Variants in MACC1 observed in about 807,000 individuals in gnomAD.
MACC1 encodes the protein metastasis-associated in colon cancer protein 1.
In MACC1, 79 loss-of-function variants were observed where a neutral mutation model predicts 70.7. That is an observed-to-expected ratio of 1.12 (90% CI 0.93 to 1.35). The LOEUF (loss-of-function observed/expected upper bound fraction) is 1.35, where lower values mean the gene tolerates loss of function less well. Ranked by LOEUF, MACC1 falls within the 40% of genes most tolerant of loss-of-function variation. The pLI is 0.00. For missense variants in MACC1, 1,106 were observed against 978.1 expected (o/e 1.13, Z -1.74); for synonymous variants, 361 against 347.2 (o/e 1.04, Z -0.44).
In MACC1 at chr7:20,140,064, G is replaced by A. The variant is rs1165335926; in HGVS notation, c.*882C>T. ...AAGTCCCAAATTAGGCAGGATTAGA[G>A]AGGTCCCAAGATGCTGAAGGGAGCT... On this transcript the variant is annotated 3_prime_UTR_variant, in exon 7 of 7. Transcript: ENST00000400331. The A allele has an allele frequency of 5.3e-5, 8 of 152,102 alleles. No homozygotes were observed. The East Asian group carries it at 1.5e-3, about 29-fold the overall frequency. The allele number at this position is 152,102 out of a possible 1,614,324, so 9.4% of individuals were successfully genotyped here.
intron 5 of MACC1, 32 bp from the exon 6 acceptor site, chr7:20,154,413 G>A: frequency 1.3e-6 from 2 of 1,591,336 alleles, no homozygotes; most frequent in Non-Finnish European, 1.7e-6. Flanking sequence ...ACAATTAAAA[G>A]CAACTAACTT....
chr7:20,178,216 G>A (rs1252204332), intron 1 of MACC1, among the ~76,000 whole-genome samples: 2 of 151,112 alleles, frequency 1.3e-5, no homozygotes, highest in Non-Finnish European at 3.0e-5. Flanking sequence ...TCTGCTTATT[G>A]AAAAATTTCA....
intron 1 of MACC1, among the ~76,000 whole-genome samples, chr7:20,211,510 C>T (rs1583414857): frequency 6.6e-6 from 1 of 152,068 alleles, no homozygotes; most frequent in East Asian, 1.9e-4. Flanking sequence ...AAATTTTGCA[C>T]CATATTTTAG....
chr7:20,142,085 T>C (rs957537515), intron 6 of MACC1: 1 of 152,198 alleles, frequency 6.6e-6, no homozygotes, highest in African/African-American at 2.4e-5. Context: ...ACTGAACTAA[T>C]TTGGTTGTGA....
intron 1 of MACC1, among the ~76,000 whole-genome samples, chr7:20,205,298 GA>G (rs1239184991): frequency 6.6e-6 from 1 of 152,096 alleles, no homozygotes. Flanking sequence ...ATAGAAGTTG[GA>G]AAAAATAACT....
At chr7:20,157,702 A>G (rs1782074972) in intron 5 of MACC1, among the ~76,000 whole-genome samples, 1 of 150,308 alleles carries the variant, frequency 6.7e-6, no homozygotes, top group Admixed American at 6.6e-5. Flanking sequence ...TGGAGGTTGA[A>G]ACTGCAGTGA....
rs561709403 is a variant in MACC1, at chr7:20,193,464, T to C, written c.-217-22686A>G. Among the ~76,000 whole-genome samples the C allele has an allele frequency of 7.2e-5, 11 of 152,346 alleles. No homozygotes were observed. The South Asian group carries it at 2.3e-3, about 32-fold the overall frequency. On this transcript the variant is annotated intron_variant, in intron 1 of 6. Coordinates refer to ENST00000400331, the MANE Select transcript of MACC1 (RefSeq NM_182762.4). ...AATTTTGAAGAAGTGAAAACAATTA[T>C]GTTGAGGTGATGGTCATGAGACACA...
At chr7:20,195,098 TA>T (rs536672872) in intron 1 of MACC1, among the ~76,000 whole-genome samples, 20 of 151,426 alleles carry the variant, frequency 1.3e-4, no homozygotes, top group African/African-American at 3.9e-4. Context: ...TTTCTCTTAT[TA>T]AAAAAAAACA....
intron 4 of MACC1, among the ~76,000 whole-genome samples, chr7:20,160,599 A>T (rs2128102985): frequency 6.6e-6 from 1 of 152,208 alleles, no homozygotes; most frequent in African/African-American, 2.4e-5. Context: ...TATTTTATGT[A>T]TCATGTTTAC....
Position 20,200,911 on chromosome 7 carries a change from C to A in MACC1, c.-218+16388G>T, listed in dbSNP as rs1322047776. On this transcript the variant is annotated intron_variant, in intron 1 of 6. Transcript: ENST00000400331. ...ACTCACTGCTGCACATTTTTAATAT[C>A]ATTTTGCATTCAGAAAAGTATCAAC... is the stretch of plus-strand genomic sequence containing the variant. 8.5e-5 allele frequency among the ~76,000 whole-genome samples: 13 copies of A among 152,342 alleles called. No individual in the cohort carries two copies. The South Asian group carries it at 2.7e-3, about 32-fold the overall frequency.
intron 6 of MACC1, among the ~76,000 whole-genome samples, chr7:20,151,450 T>C (rs901400710): frequency 6.6e-6 from 1 of 152,222 alleles, no homozygotes; most frequent in African/African-American, 2.4e-5. Flanking sequence ...AAGTGCATTT[T>C]TTCTGAAAGA....
In MACC1 at chr7:20,166,691, G is replaced by A. The variant is rs189970536; in HGVS notation, c.-152-2292C>T. Among the ~76,000 whole-genome samples the A allele has an allele frequency of 4.3e-3, 662 of 152,252 alleles. 4 individuals carry two copies. The highest frequency in any genetic ancestry group is 7.4e-3 in the Non-Finnish European group (501 of 68,012). On this transcript the variant is annotated intron_variant, in intron 2 of 6. Transcript: ENST00000400331. ...GAGCAGGCCTCCCAGTGCATTAAGC[G>A]GTATTAGAAATCCATAATAATTTCT...
intron 1 of MACC1, among the ~76,000 whole-genome samples, chr7:20,185,620 C>A (rs906945450): frequency 6.6e-6 from 1 of 151,934 alleles, no homozygotes; most frequent in Non-Finnish European, 1.5e-5. Context: ...ATTTTAAAAT[C>A]ATTACCTATA....
intron 6 of MACC1, among the ~76,000 whole-genome samples, chr7:20,149,907 C>T (rs185888757): frequency 1.3e-5 from 2 of 152,250 alleles, no homozygotes; most frequent in Non-Finnish European, 2.9e-5. Flanking sequence ...TATAAGACAA[C>T]GTGAATTCAG....
At chr7:20,179,382 A>G (rs1240573937) in intron 1 of MACC1, among the ~76,000 whole-genome samples, 1 of 152,194 alleles carries the variant, frequency 6.6e-6, no homozygotes, top group African/African-American at 2.4e-5. Flanking sequence ...ATGTTTCAGA[A>G]TTTTGGTTTC....
intron 3 of MACC1, among the ~76,000 whole-genome samples, chr7:20,163,313 T>C (rs187663935): frequency 1.9e-3 from 290 of 152,360 alleles, no homozygotes; most frequent in African/African-American, 6.4e-3. Context: ...AAAGCCTATA[T>C]ACTTGTTGTG....
chr7:20,159,792 CG>C lies in MACC1; in HGVS notation c.568del (p.Arg190AlafsTer6), dbSNP rs749160800. ...AATTGTATTCAAATCAAGGCAGGAG[CG>C]GGCCAGCTGGCGTTGACTTAACCAA... is the stretch of plus-strand genomic sequence containing the variant. ...MAWLSQRQLARSCLDLNTISQ... is the reference protein window; with the variant it reads ...MAWLSQRQLAXSCLDLNTISQ... On this transcript the variant is annotated frameshift_variant, in exon 5 of 7. Transcript: ENST00000400331. LOFTEE classifies it high-confidence loss of function. 137 of 1,614,060 alleles carry C rather than the reference CG, an allele frequency of 8.5e-5. 1 individual carries two copies. In the South Asian group the frequency reaches 1.5e-3, roughly 17 times the overall value.
At chr7:20,194,666 G>A (rs1001115253) in intron 1 of MACC1, among the ~76,000 whole-genome samples, 1 of 152,164 alleles carries the variant, frequency 6.6e-6, no homozygotes, top group Admixed American at 6.5e-5. Context: ...CTGTCTTCTT[G>A]CAACAATAAG....
chr7:20,201,796 T>A (rs1782837647), intron 1 of MACC1, among the ~76,000 whole-genome samples: 1 of 152,176 alleles, frequency 6.6e-6, no homozygotes, highest in African/African-American at 2.4e-5. Context: ...TTTTGAGGTT[T>A]TGCACTTAAG....
Sources: allele counts gnomAD v4.1 joint callset (sites outside exome capture counted in the v4.1 genomes callset), GRCh38; gene constraint gnomAD v4.1.1; transcripts MANE v1.5; gene names NCBI Gene and HGNC (gene_info 2026-07-23, HGNC 2026-07-21).